Variants in AGK observed in about 807,000 individuals in gnomAD.
The protein encoded by AGK is acylglycerol kinase.
A neutral mutation model predicts 66.4 loss-of-function variants in AGK; 52 were observed. The observed-to-expected ratio is 0.78, with a 90% CI of 0.63 to 0.99. The LOEUF (loss-of-function observed/expected upper bound fraction) is 0.99, where lower values mean the gene tolerates loss of function less well. Ranked by LOEUF, AGK falls within the 50% of genes least tolerant of loss-of-function variation. The pLI is 0.00. For missense variants in AGK, 451 were observed against 506.6 expected (o/e 0.89, Z 1.05); for synonymous variants, 182 against 181.1 (o/e 1.00, Z -0.04).
chr7:141,649,833 C>T (rs1349590326), intron 14 of AGK, among the ~76,000 whole-genome samples: 1 of 152,234 alleles, frequency 6.6e-6, no homozygotes, highest in African/African-American at 2.4e-5. Flanking sequence ...TGTCAGTTCA[C>T]CATGTCCTCC....
intron 2 of AGK, among the ~76,000 whole-genome samples, chr7:141,573,229 C>T (rs920445781): frequency 6.6e-6 from 1 of 152,070 alleles, no homozygotes; most frequent in African/African-American, 2.4e-5. Flanking sequence ...AATAACATGC[C>T]TGTCAGCCCA....
intron 2 of AGK, among the ~76,000 whole-genome samples, chr7:141,583,410 CGG>C (rs1795923933): frequency 7.4e-6 from 1 of 135,562 alleles, no homozygotes; most frequent in Non-Finnish European, 1.5e-5. Flanking sequence ...GGTAGAGACA[CGG>C]AGAGAAGGGG....
chr7:141,591,145 C>T (rs928027085), intron 2 of AGK, among the ~76,000 whole-genome samples: 2 of 129,902 alleles, frequency 1.5e-5, no homozygotes, highest in Admixed American at 9.8e-5. Flanking sequence ...CAGGCTGGAG[C>T]GCAATGGCGT....
intron 2 of AGK, among the ~76,000 whole-genome samples, chr7:141,565,798 A>G (rs950426333): frequency 6.6e-6 from 1 of 152,246 alleles, no homozygotes; most frequent in Non-Finnish European, 1.5e-5. Flanking sequence ...GCTTTTGTCC[A>G]TACTACTATT....
At chr7:141,577,176 G>A (rs1006890985) in intron 2 of AGK, among the ~76,000 whole-genome samples, 3 of 152,150 alleles carry the variant, frequency 2.0e-5, no homozygotes, top group Non-Finnish European at 2.9e-5. Context: ...GAAGAGTAGC[G>A]GTGAGAGGGA....
At chr7:141,577,198 C>T (rs1441965250) in intron 2 of AGK, among the ~76,000 whole-genome samples, 1 of 152,152 alleles carries the variant, frequency 6.6e-6, no homozygotes, top group Non-Finnish European at 1.5e-5. Flanking sequence ...AGGCCTCATT[C>T]TGTCTTTCCA....
chr7:141,650,014 C>T (rs545491960), intron 14 of AGK, among the ~76,000 whole-genome samples: 3 of 152,310 alleles, frequency 2.0e-5, no homozygotes, highest in Admixed American at 6.5e-5. Context: ...TCCTTCAGGG[C>T]ATCTGAGGAG....
intron 2 of AGK, among the ~76,000 whole-genome samples, chr7:141,583,296 G>T (rs1245033868): frequency 1.3e-5 from 2 of 151,662 alleles, no homozygotes; most frequent in Non-Finnish European, 2.9e-5. Flanking sequence ...AGGGTGGAAA[G>T]TTGCCTATAG....
Position 141,601,224 on chromosome 7 carries a change from GA to G in AGK, c.248del (p.Asn83MetfsTer13). On this transcript the variant is annotated frameshift_variant, in exon 5 of 16. Coordinates refer to ENST00000649286, the MANE Select transcript of AGK (RefSeq NM_018238.4). LOFTEE classifies it high-confidence loss of function. ...ACKGKARTLFEKNAAPILHLS... is the reference protein window; with the variant it reads ...ACKGKARTLFXKNAAPILHLS... Reference sequence around the variant, plus strand: ...TAACAGAAAAGCCAGGACTCTATTTGAAAAAAATGCTGCCCCGATTTTACAT... The same window carrying G: ...TAACAGAAAAGCCAGGACTCTATTTGAAAAAATGCTGCCCCGATTTTACAT... 6.2e-7 allele frequency: 1 copy of G among 1,612,104 alleles called. No homozygotes were observed. Among genetic ancestry groups the G allele is most frequent in the Non-Finnish European group, 8.5e-7 (1 of 1,178,948 alleles).
chr7:141,560,597 CTT>C (rs2116854857), intron 2 of AGK, among the ~76,000 whole-genome samples: 1 of 152,080 alleles, frequency 6.6e-6, no homozygotes, highest in South Asian at 2.1e-4. Flanking sequence ...AGTGTGTAGT[CTT>C]TTATTCCTCA....
At chr7:141,640,172 C>T (rs926467037) in intron 11 of AGK, among the ~76,000 whole-genome samples, 12 of 152,264 alleles carry the variant, frequency 7.9e-5, no homozygotes, top group Admixed American at 7.8e-4. Flanking sequence ...TTATAAATGT[C>T]AGCAGGAGTG....
At position 141,654,117 on chromosome 7, in the gene AGK, A is replaced by AAAAAATATAAATGG. The variant is rs1379121169; in HGVS notation, c.*1197_*1210dup. The AAAAAATATAAATGG allele has an allele frequency of 6.6e-6, 1 of 152,196 alleles. No homozygotes were observed. Among genetic ancestry groups the AAAAAATATAAATGG allele is most frequent in the Non-Finnish European group, 1.5e-5 (1 of 68,034 alleles). The allele number at this position is 152,196 out of a possible 1,614,324, so 9.4% of individuals were successfully genotyped here. A position where few individuals can be genotyped will look rare whatever the true frequency, so the allele number is the denominator to read the frequency against. The stretch of plus-strand genomic sequence containing the variant: ...ATTCACCCCATTACTTCTTGTCAAC[A>AAAAAATATAAATGG]AAAAATATAAATGGAAATTTTTTTT... On this transcript the variant is annotated 3_prime_UTR_variant, in exon 16 of 16. Coordinates refer to ENST00000649286, the MANE Select transcript of AGK (RefSeq NM_018238.4).
At chr7:141,586,546 T>G (rs1795998391) in intron 2 of AGK, among the ~76,000 whole-genome samples, 1 of 152,208 alleles carries the variant, frequency 6.6e-6, no homozygotes, top group African/African-American at 2.4e-5. Context: ...TGGTGAATTA[T>G]CCATGATTTC....
At chr7:141,589,096 T>C (rs925163195) in intron 2 of AGK, among the ~76,000 whole-genome samples, 2 of 152,182 alleles carry the variant, frequency 1.3e-5, no homozygotes, top group East Asian at 3.8e-4. Context: ...GGTCTCAGCC[T>C]CTTTTTACCC....
chr7:141,643,222 C>T (rs139398556), intron 13 of AGK, among the ~76,000 whole-genome samples: 1,878 of 152,240 alleles, frequency 0.012, 47 homozygotes, highest in African/African-American at 0.041. Context: ...AAAAAAAATT[C>T]TAGTTTGATT....
chr7:141,633,191 T>C (rs1038616719), intron 9 of AGK, among the ~76,000 whole-genome samples: 2 of 152,142 alleles, frequency 1.3e-5, no homozygotes, highest in African/African-American at 4.8e-5. Flanking sequence ...TCTTAGACTT[T>C]AGATGAAATT....
chr7:141,647,459 C>T (rs1303929592), intron 13 of AGK, among the ~76,000 whole-genome samples: 1 of 152,134 alleles, frequency 6.6e-6, no homozygotes, highest in African/African-American at 2.4e-5. Context: ...CAGACATGTT[C>T]CCCCAGCACC....
At chr7:141,567,433 AT>A (rs1185561959) in intron 2 of AGK, among the ~76,000 whole-genome samples, 3 of 151,454 alleles carry the variant, frequency 2.0e-5, no homozygotes, top group Non-Finnish European at 2.9e-5. Context: ...TGTATTTATA[AT>A]TTTTTTTCTC....
chr7:141,604,372 GTGTATA>G (rs1352950682), intron 5 of AGK, among the ~76,000 whole-genome samples: 7 of 58,400 alleles, frequency 1.2e-4, no homozygotes, highest in African/African-American at 4.3e-4. Flanking sequence ...GTGTGTGTGT[GTGTATA>G]TATATATATA....
Sources: gnomAD v4.1 joint callset for allele counts (sites outside exome capture counted in the v4.1 genomes callset) on GRCh38, gnomAD v4.1.1 for gene constraint, MANE v1.5 for transcripts, NCBI Gene and HGNC (gene_info 2026-07-23, HGNC 2026-07-21) for gene names.